SLIT3: variants seen among roughly 807,000 people sequenced by gnomAD.
SLIT3 encodes the protein slit homolog 3 protein.
A neutral mutation model predicts 184.0 loss-of-function variants in SLIT3; 68 were observed. The ratio of observed to expected loss-of-function variants is 0.37; its 90% confidence interval spans 0.30 to 0.45. The LOEUF (loss-of-function observed/expected upper bound fraction) is 0.45. Among genes scored for constraint, SLIT3 ranks in the 20% least tolerant of loss-of-function variants. SLIT3 has a pLI of 1.00. For synonymous variants in SLIT3, 831 were observed against 828.6 expected (o/e 1.00, Z -0.05); for missense variants, 1,707 against 2,026.0 (o/e 0.84, Z 3.02).
At chr5:169,030,376 C>T (rs1214368484) in intron 4 of SLIT3, 1 of 152,236 alleles carries the variant, frequency 6.6e-6, no homozygotes, top group African/African-American at 2.4e-5. Context: ...CCTCCCTCTT[C>T]AATTTACAGA....
Position 168,752,802 on chromosome 5 carries a change from C to T in SLIT3, c.1973+153G>A, listed in dbSNP as rs552891402. ...GGTGTGTGCAGCCTCAACACCTAGA[C>T]GATGCCTGCCTGGCACATACAGAAA... is the stretch of plus-strand genomic sequence containing the variant. On this transcript the variant is annotated intron_variant, in intron 18 of 35. Transcript: ENST00000519560. The T allele has an allele frequency of 3.6e-5, 25 of 702,342 alleles. 1 individual carries two copies. Among genetic ancestry groups the T allele is most frequent in the South Asian group, 2.1e-4 (11 of 53,374 alleles). The allele number at this position is 702,342 out of a possible 1,614,324, so 43.5% of individuals were successfully genotyped here. A position where few individuals can be genotyped will look rare whatever the true frequency, so the allele number is the denominator to read the frequency against.
intron 4 of SLIT3, among the ~76,000 whole-genome samples, chr5:169,099,130 A>T (rs1320403392): frequency 1.3e-5 from 2 of 151,990 alleles, no homozygotes; most frequent in Non-Finnish European, 2.9e-5. Context: ...CTGTCATCTC[A>T]TCTTCTTCTG....
At chr5:168,799,160 C>T (rs1394277770) in intron 9 of SLIT3, among the ~76,000 whole-genome samples, 1 of 152,210 alleles carries the variant, frequency 6.6e-6, no homozygotes, top group African/African-American at 2.4e-5. Flanking sequence ...GCAGCAGGTA[C>T]TCCTGGAAGT....
chr5:168,666,359 C>T lies in SLIT3; in HGVS notation c.*95G>A. On this transcript the variant is annotated 3_prime_UTR_variant, in exon 36 of 36. Transcript: ENST00000519560. ...TCTTCTTTACCTTCCTCTCCAGCTT[C>T]ATTTCCTTCATGCTGAATCACCAGG... 1.6e-6 allele frequency: 2 copies of T among 1,220,550 alleles called. No homozygotes were observed. Among genetic ancestry groups the T allele is most frequent in the Non-Finnish European group, 1.1e-6 (1 of 913,242 alleles). The allele number at this position is 1,220,550 out of a possible 1,614,324, so 75.6% of individuals were successfully genotyped here. A position where few individuals can be genotyped will look rare whatever the true frequency, so the allele number is the denominator to read the frequency against.
At chr5:168,784,477 G>A (rs1306520979) in intron 12 of SLIT3, among the ~76,000 whole-genome samples, 1 of 152,154 alleles carries the variant, frequency 6.6e-6, no homozygotes, top group African/African-American at 2.4e-5. Flanking sequence ...CAGCTTCACT[G>A]AAACAAACCT....
chr5:168,713,555 G>A (rs1189800052), intron 23 of SLIT3, among the ~76,000 whole-genome samples: 3 of 152,226 alleles, frequency 2.0e-5, no homozygotes, highest in African/African-American at 7.2e-5. Flanking sequence ...ACCCTTCAGG[G>A]TAAGGACTAA....
chr5:168,749,275 G>A (rs989888079), intron 19 of SLIT3, among the ~76,000 whole-genome samples, 197 bp downstream of exon 19: 1 of 152,224 alleles, frequency 6.6e-6, no homozygotes, highest in Non-Finnish European at 1.5e-5. Flanking sequence ...AATGACTGCT[G>A]AAATGGGCAC....
intron 3 of SLIT3, among the ~76,000 whole-genome samples, chr5:169,204,732 C>A (rs1190821970): frequency 6.6e-6 from 1 of 152,138 alleles, no homozygotes; most frequent in East Asian, 1.9e-4. Flanking sequence ...CTTCTGACCA[C>A]TTCTGTTTCC....
At chr5:169,097,234 C>T (rs748125895) in intron 4 of SLIT3, among the ~76,000 whole-genome samples, 4 of 152,214 alleles carry the variant, frequency 2.6e-5, no homozygotes, top group Non-Finnish European at 4.4e-5. Context: ...GAAGTTGTAA[C>T]TTAAAACTCC....
intron 4 of SLIT3, among the ~76,000 whole-genome samples, chr5:168,958,786 C>T (rs775159877): frequency 6.6e-6 from 1 of 152,242 alleles, no homozygotes; most frequent in Non-Finnish European, 1.5e-5. Context: ...AAGAAGGTGT[C>T]ATGTGTACCG....
At chr5:168,836,999 C>G (rs529985423) in intron 6 of SLIT3, among the ~76,000 whole-genome samples, 3 of 152,148 alleles carry the variant, frequency 2.0e-5, no homozygotes, top group Non-Finnish European at 4.4e-5. Flanking sequence ...TTTCCTTAAG[C>G]TGGGGTTCTC....
At chr5:168,972,094 T>C (rs1008248043) in intron 4 of SLIT3, among the ~76,000 whole-genome samples, 1 of 152,200 alleles carries the variant, frequency 6.6e-6, no homozygotes, top group African/African-American at 2.4e-5. Context: ...GTGATGACTC[T>C]TGAGCTGAGA....
At chr5:168,919,182 C>T (rs1761544428) in intron 4 of SLIT3, among the ~76,000 whole-genome samples, 1 of 151,582 alleles carries the variant, frequency 6.6e-6, no homozygotes, top group Non-Finnish European at 1.5e-5. Context: ...ATGGCGTGAA[C>T]CCGGGAGGCG....
chr5:168,990,870 C>T (rs193042864), intron 4 of SLIT3, among the ~76,000 whole-genome samples: 14 of 152,298 alleles, frequency 9.2e-5, no homozygotes, highest in Admixed American at 3.9e-4. Flanking sequence ...GAATGCCACA[C>T]GACAGCTGCC....
intron 6 of SLIT3, among the ~76,000 whole-genome samples, chr5:168,825,325 C>T (rs1417242644): frequency 6.6e-6 from 1 of 152,148 alleles, no homozygotes; most frequent in East Asian, 1.9e-4. Flanking sequence ...CTTCTCCAGC[C>T]CCTTGTGAGC....
chr5:169,145,377 G>A (rs759819234), intron 4 of SLIT3, among the ~76,000 whole-genome samples: 4 of 152,118 alleles, frequency 2.6e-5, no homozygotes, highest in Non-Finnish European at 5.9e-5. Flanking sequence ...TTTCTTCCCA[G>A]GTCAATGTTG....
intron 4 of SLIT3, among the ~76,000 whole-genome samples, chr5:168,971,858 C>A (rs760058792): frequency 1.3e-5 from 2 of 152,226 alleles, no homozygotes; most frequent in Non-Finnish European, 2.9e-5. Flanking sequence ...GGAGCTACCA[C>A]CTTTTAGGCT....
intron 4 of SLIT3, among the ~76,000 whole-genome samples, chr5:169,165,135 G>C (rs1051396006): frequency 2.6e-5 from 4 of 152,254 alleles, no homozygotes; most frequent in Non-Finnish European, 5.9e-5. Context: ...CCTTTGCTAG[G>C]GGAGGGGGTA....
At chr5:168,740,556 C>G (rs140488055) in intron 20 of SLIT3, among the ~76,000 whole-genome samples, 2 of 152,318 alleles carry the variant, frequency 1.3e-5, no homozygotes, top group East Asian at 3.9e-4. Context: ...TGGACTCAGC[C>G]AATGTCTCTG....
Sources: allele counts gnomAD v4.1 joint callset (sites outside exome capture counted in the v4.1 genomes callset), GRCh38; gene constraint gnomAD v4.1.1; transcripts MANE v1.5; gene names NCBI Gene and HGNC (gene_info 2026-07-23, HGNC 2026-07-21).